The following GPAM variants were observed in gnomAD, a reference collection of about 807,000 sequenced individuals.
The protein encoded by GPAM is glycerol-3-phosphate acyltransferase 1, mitochondrial.
A neutral mutation model predicts 105.0 loss-of-function variants in GPAM; 56 were observed. That is an observed-to-expected ratio of 0.53 (90% CI 0.43 to 0.67). The LOEUF (loss-of-function observed/expected upper bound fraction) is 0.67, where lower values mean the gene tolerates loss of function less well. Ranked by LOEUF, GPAM falls within the 30% of genes least tolerant of loss-of-function variation. The pLI, the probability that GPAM is intolerant of heterozygous loss-of-function variation, is 0.00. For synonymous variants in GPAM, 368 were observed against 354.4 expected (o/e 1.04, Z -0.43); for missense variants, 855 against 989.8 (o/e 0.86, Z 1.83).
intron 9 of GPAM, among the ~76,000 whole-genome samples, chr10:112,170,756 C>CAGCT (rs1326791196): frequency 4.6e-5 from 7 of 152,224 alleles, no homozygotes; most frequent in Non-Finnish European, 1.0e-4. Context: ...CACGCTATTA[C>CAGCT]AGCTAGCTGT....
the GPAM span, among the ~76,000 whole-genome samples, chr10:112,225,996 G>T: frequency 6.6e-6 from 1 of 152,190 alleles, no homozygotes; most frequent in Non-Finnish European, 1.5e-5. Flanking sequence ...ACTGCTCTGA[G>T]GATCACACCA....
intron 1 of GPAM, among the ~76,000 whole-genome samples, chr10:112,211,158 G>C (rs867787070): frequency 6.6e-6 from 1 of 152,174 alleles, no homozygotes; most frequent in African/African-American, 2.4e-5. Context: ...GGGGAAGTAG[G>C]AGGGAGGTGC....
chr10:112,224,525 G>A, the GPAM span, among the ~76,000 whole-genome samples: 1 of 152,122 alleles, frequency 6.6e-6, no homozygotes, highest in Non-Finnish European at 1.5e-5. Flanking sequence ...AGCTATCTTA[G>A]ATTCCCTCCA....
upstream of GPAM, among the ~76,000 whole-genome samples, chr10:112,218,040 A>T (rs1011166288): frequency 1.3e-5 from 2 of 152,246 alleles, no homozygotes; most frequent in African/African-American, 4.8e-5. Context: ...AAGACTGAAT[A>T]TCTTACCAAA....
intron 5 of GPAM, among the ~76,000 whole-genome samples, chr10:112,177,365 G>A (rs930369701): frequency 6.6e-6 from 1 of 152,162 alleles, no homozygotes; most frequent in East Asian, 1.9e-4. Context: ...TACAAGGACT[G>A]CTAGCATTTG....
intron 21 of GPAM, 112 bp from the exon 22 acceptor site, chr10:112,153,778 A>T (rs946521397): frequency 1.6e-6 from 2 of 1,227,764 alleles, no homozygotes; most frequent in Non-Finnish European, 2.3e-6. Flanking sequence ...AAAGGCACAA[A>T]AAACCATATC....
chr10:112,159,941 G>T lies in GPAM; in HGVS notation c.1872C>A (p.Tyr624Ter). 4.3e-6 allele frequency: 7 copies of T among 1,613,964 alleles called. No homozygotes were observed. In the South Asian group the frequency reaches 7.7e-5, roughly 18 times the overall value. Reference sequence around the variant, plus strand: ...AGATGGTGCCTTCATTGGAGAGAAGGTAGCACAGGCTGGCCGCCTTCCGCA... The same window carrying T: ...AGATGGTGCCTTCATTGGAGAGAAGTTAGCACAGGCTGGCCGCCTTCCGCA... ...QLVRKAASLC[Y>*]LLSNEGTISL... Residue 624 changes from tyrosine (Y) to a stop codon, truncating the protein, a stop_gained, in exon 17 of 22, where the codon TAC becomes TAA. Coordinates refer to ENST00000348367, the MANE Select transcript of GPAM (RefSeq NM_001244949.2). LOFTEE classifies it high-confidence loss of function.
the GPAM span, among the ~76,000 whole-genome samples, chr10:112,226,958 G>A: frequency 3.9e-5 from 6 of 152,224 alleles, no homozygotes; most frequent in South Asian, 2.1e-4. Flanking sequence ...CAAAGGCCAC[G>A]AGGGGTTTTA....
intron 1 of GPAM, among the ~76,000 whole-genome samples, chr10:112,201,350 C>T (rs755760147): frequency 1.3e-5 from 2 of 152,232 alleles, no homozygotes; most frequent in African/African-American, 4.8e-5. Context: ...GTCCCACTTA[C>T]ACTTCTGCTC....
the GPAM span, among the ~76,000 whole-genome samples, chr10:112,220,422 G>A: frequency 6.6e-6 from 1 of 152,168 alleles, no homozygotes; most frequent in Non-Finnish European, 1.5e-5. Context: ...TTTCATACAT[G>A]CATCTAGAGC....
chr10:112,166,580 T>C, intron 11 of GPAM, 65 bp from the exon 12 acceptor site: 3 of 878,630 alleles, frequency 3.4e-6, no homozygotes, highest in Non-Finnish European at 5.9e-6. Context: ...AACATTCTAT[T>C]ATCCACAGAA....
At chr10:112,181,295 T>C (rs1405633241) in intron 3 of GPAM, among the ~76,000 whole-genome samples, 1 of 152,042 alleles carries the variant, frequency 6.6e-6, no homozygotes, top group East Asian at 1.9e-4. Context: ...GCCTTTTGGA[T>C]TGAATTCATA....
At position 112,173,053 on chromosome 10, in the gene GPAM, C is replaced by T; in HGVS notation, c.574G>A (p.Val192Met). The change falls in exon 8 of 22, where the codon GTG (valine) becomes ATG (methionine). Residue 192 changes from valine to methionine, a missense_variant. Val to Met is a conservative substitution (Grantham distance 21). Coordinates refer to ENST00000348367, the MANE Select transcript of GPAM (RefSeq NM_001244949.2). ...AAGCTGTTGAACAGTTTTAGCAGCA[C>T]CCACCCAGTCAGTCTGAAACAAAGT... The part of the protein sequence containing the change: ...SPAMIRLTGW[V>M]LLKLFNSFFW... 6.3e-7 allele frequency: 1 copy of T among 1,595,834 alleles called. No homozygotes were observed. Among genetic ancestry groups the T allele is most frequent in the Non-Finnish European group, 8.6e-7 (1 of 1,163,456 alleles).
intron 1 of GPAM, among the ~76,000 whole-genome samples, chr10:112,194,008 A>G (rs1847694381): frequency 2.0e-5 from 3 of 152,204 alleles, no homozygotes; most frequent in Non-Finnish European, 4.4e-5. Flanking sequence ...AGATTATAAT[A>G]CAGTAACAAA....
chr10:112,163,673 G>T, intron 14 of GPAM, 28 bp downstream of exon 14: 1 of 1,016,582 alleles, frequency 9.8e-7, no homozygotes, highest in Non-Finnish European at 1.6e-6. Context: ...CTAAATTGTA[G>T]AATTAAAGAG....
chr10:112,152,004 AG>A lies in GPAM; in HGVS notation c.*1545del. On this transcript the variant is annotated 3_prime_UTR_variant, in exon 22 of 22. Transcript: ENST00000348367. The stretch of plus-strand genomic sequence containing the variant: ...ACAACAGCATAGCATTATTGCTATG[AG>A]TTTCAAACATGGTATTTCATACAAT... 1.0e-6 allele frequency: 1 copy of A among 973,112 alleles called. No individual in the cohort carries two copies. Among genetic ancestry groups the A allele is most frequent in the African/African-American group, 1.7e-5 (1 of 57,154 alleles). The allele number at this position is 973,112 out of a possible 1,614,324, so 60.3% of individuals were successfully genotyped here.
upstream of GPAM, among the ~76,000 whole-genome samples, chr10:112,215,711 A>G (rs561274616): frequency 1.4e-5 from 2 of 147,770 alleles, no homozygotes; most frequent in South Asian, 2.1e-4. Flanking sequence ...TCCAATTTGC[A>G]TTTCTCACTG....
chr10:112,216,994 T>A (rs1319517413), upstream of GPAM, among the ~76,000 whole-genome samples: 1 of 152,096 alleles, frequency 6.6e-6, no homozygotes, highest in East Asian at 1.9e-4. Flanking sequence ...ATATAACGTC[T>A]CATTGAAATA....
chr10:112,200,637 A>G (rs1847787237), intron 1 of GPAM, among the ~76,000 whole-genome samples: 1 of 152,088 alleles, frequency 6.6e-6, no homozygotes, highest in Admixed American at 6.6e-5. Flanking sequence ...AGTACTTCCA[A>G]TAAAAAGTTT....
Sources: allele counts gnomAD v4.1 joint callset (sites outside exome capture counted in the v4.1 genomes callset), GRCh38; gene constraint gnomAD v4.1.1; transcripts MANE v1.5; gene names NCBI Gene and HGNC (gene_info 2026-07-23, HGNC 2026-07-21).